Variants in ALDH1L1 observed in about 807,000 individuals in gnomAD.
ALDH1L1 encodes the protein aldehyde dehydrogenase 1 family member L1, also known as cytosolic 10-formyltetrahydrofolate dehydrogenase.
A neutral mutation model predicts 101.1 loss-of-function variants in ALDH1L1; 68 were observed. The ratio of observed to expected loss-of-function variants is 0.67; its 90% CI spans 0.55 to 0.82. The LOEUF is 0.82. Ranked by LOEUF, ALDH1L1 falls within the 40% of genes least tolerant of loss-of-function variation. ALDH1L1 has a pLI of 0.00. For synonymous variants in ALDH1L1, 486 were observed against 470.8 expected (o/e 1.03, Z -0.42); for missense variants, 1,087 against 1,172.7 (o/e 0.93, Z 1.07).
intron 1 of ALDH1L1, among the ~76,000 whole-genome samples, chr3:126,177,747 A>G (rs1330975433): frequency 2.0e-5 from 3 of 152,226 alleles, no homozygotes; most frequent in Non-Finnish European, 4.4e-5. Context: ...CTCACCAAGT[A>G]TAACAAAATT....
upstream of ALDH1L1, among the ~76,000 whole-genome samples, chr3:126,185,590 G>A (rs567142842): frequency 1.3e-5 from 2 of 152,306 alleles, no homozygotes; most frequent in East Asian, 1.9e-4. Flanking sequence ...TTGGTGCATG[G>A]AGGTGGGGAT....
intron 1 of ALDH1L1, among the ~76,000 whole-genome samples, chr3:126,193,511 G>A (rs144930191): frequency 3.5e-4 from 53 of 152,246 alleles, no homozygotes; most frequent in Middle Eastern, 3.4e-3. Flanking sequence ...ACTTAGGGCC[G>A]TAGCACCACT....
intron 1 of ALDH1L1, among the ~76,000 whole-genome samples, chr3:126,190,957 G>A (rs750476918): frequency 3.9e-5 from 6 of 152,224 alleles, no homozygotes; most frequent in Non-Finnish European, 8.8e-5. Flanking sequence ...TTGGGGAAGA[G>A]TTTCCTTTCC....
chr3:126,103,637 TG>T lies in ALDH1L1; in HGVS notation c.*153del. 1 of 754,430 alleles carries T rather than the reference TG, an allele frequency of 1.3e-6. No homozygotes were observed. Among genetic ancestry groups the T allele is most frequent in the Non-Finnish European group, 2.2e-6 (1 of 461,542 alleles). 46.7% of individuals were successfully genotyped at this position (754,430 alleles called of 1,614,324 possible). On this transcript the variant is annotated 3_prime_UTR_variant, in exon 23 of 23. Transcript: ENST00000393434. Reference sequence around the variant, plus strand: ...CACCCAGCCAAGGGCTGCTTCTGACTGGACAGAGGGCGTCCAAGATGCAGAC... The same window carrying T: ...CACCCAGCCAAGGGCTGCTTCTGACTGACAGAGGGCGTCCAAGATGCAGAC...
rs772997567 is a variant in ALDH1L1, at chr3:126,114,557, C to T, written c.2082G>A (p.Met694Ile). 6.7e-7 allele frequency: 1 copy of T among 1,496,404 alleles called. No homozygotes were observed. Among genetic ancestry groups the T allele is most frequent in the Non-Finnish European group, 8.9e-7 (1 of 1,122,704 alleles). 92.7% of individuals were successfully genotyped at this position (1,496,404 alleles called of 1,614,324 possible). ...TGCCCCCTCCAGGCCCGGCCCTCAC[C>T]ATCTGCACAGCCTTGTTGAGGTCAC... ...ADCDLNKAVQMGMSSVFFNKG... is the reference protein window; with the variant it reads ...ADCDLNKAVQIGMSSVFFNKG... Residue 694 changes from methionine (M) to isoleucine (I), a missense_variant and splice_region_variant, in exon 18 of 23, where the codon ATG becomes ATA. Met to Ile is a conservative substitution (Grantham distance 10). Around this residue, in one of 2 missense-constraint regions of ALDH1L1, gnomAD observed 442 missense variants for 535.7 expected, o/e 0.83. Transcript: ENST00000393434.
chr3:126,170,604 C>T (rs928283713), intron 1 of ALDH1L1, among the ~76,000 whole-genome samples: 5 of 152,018 alleles, frequency 3.3e-5, no homozygotes, highest in African/African-American at 4.8e-5. Flanking sequence ...TGGTGTTGAT[C>T]CTACAGTCAA....
chr3:126,103,643 G>C lies in ALDH1L1; in HGVS notation c.*148C>G, dbSNP rs1945754289. The C allele has an allele frequency of 1.3e-6, 1 of 792,706 alleles. No homozygotes were observed. The highest frequency in any genetic ancestry group is 2.3e-5 in the Admixed American group (1 of 44,432). The allele number at this position is 792,706 out of a possible 1,614,324, so 49.1% of individuals were successfully genotyped here. On this transcript the variant is annotated 3_prime_UTR_variant, in exon 23 of 23. Transcript: ENST00000393434. Reference sequence around the variant, plus strand: ...GCCAAGGGCTGCTTCTGACTGGACAGAGGGCGTCCAAGATGCAGACATGGT... The same window carrying C: ...GCCAAGGGCTGCTTCTGACTGGACACAGGGCGTCCAAGATGCAGACATGGT...
In ALDH1L1 at chr3:126,109,968, C is replaced by T. The variant is rs145136430; in HGVS notation, c.2323G>A (p.Gly775Ser). 28 of 1,614,110 alleles carry T rather than the reference C, an allele frequency of 1.7e-5. No individual in the cohort carries two copies. The highest frequency in any genetic ancestry group is 2.2e-5 in the East Asian group (1 of 44,880). Residue 775 changes from glycine (G) to serine (S), a missense_variant, in exon 20 of 23, where the codon GGC (glycine) becomes AGC (serine). By Grantham distance (56) the Gly-to-Ser change is moderately conservative. This residue lies in a region of ALDH1L1 where 442 missense variants were observed against 535.7 expected (regional missense o/e 0.83). Coordinates refer to ENST00000393434, the MANE Select transcript of ALDH1L1 (RefSeq NM_012190.4). The part of the protein sequence containing the change: ...GVKEGATLVC[G>S]GNQVPRPGFF... The stretch of plus-strand genomic sequence containing the variant: ...CCTGGCCGAGGGACCTGATTCCCGC[C>T]GCAGACCAGTGTGGCCCCTTCCTTC...
chr3:126,179,932 G>A (rs4646697), intron 1 of ALDH1L1: 39,125 of 152,056 alleles, frequency 0.26, 6,144 homozygotes, highest in African/African-American at 0.45. Context: ...CTGGAGCTGG[G>A]ACTCCAGCGC....
At chr3:126,170,298 G>A (rs1392850344) in intron 1 of ALDH1L1, among the ~76,000 whole-genome samples, 1 of 151,878 alleles carries the variant, frequency 6.6e-6, no homozygotes, top group African/African-American at 2.4e-5. Flanking sequence ...CCTCAGAGTG[G>A]AATATCTGAC....
intron 1 of ALDH1L1, among the ~76,000 whole-genome samples, chr3:126,166,764 G>A (rs537790276): frequency 6.6e-6 from 1 of 151,728 alleles, no homozygotes; most frequent in Admixed American, 6.6e-5. Flanking sequence ...GCCCTTCACA[G>A]TGAAAAAAAA....
At chr3:126,141,708 C>T (rs565461056) in intron 9 of ALDH1L1, among the ~76,000 whole-genome samples, 86 of 151,876 alleles carry the variant, frequency 5.7e-4, no homozygotes, top group Admixed American at 1.3e-3. Flanking sequence ...GAAAGTAGTG[C>T]TAAGAAAGAA....
chr3:126,196,449 G>C (rs1442347980), intron 1 of ALDH1L1, among the ~76,000 whole-genome samples: 1 of 145,716 alleles, frequency 6.9e-6, no homozygotes, highest in Non-Finnish European at 1.5e-5. Flanking sequence ...GCCCAAGGCT[G>C]TTAGAGCTTG....
intron 7 of ALDH1L1, 37 bp downstream of exon 7, chr3:126,153,407 C>T (rs2080844026): frequency 6.2e-7 from 1 of 1,610,446 alleles, no homozygotes; most frequent in Non-Finnish European, 8.5e-7. Flanking sequence ...GCATGGGTGG[C>T]TTTGAGCAGG....
In ALDH1L1 at chr3:126,146,850, G is replaced by A. The variant is rs1282541702; in HGVS notation, c.1061C>T (p.Ser354Phe). 2 of 1,614,076 alleles carry A rather than the reference G, an allele frequency of 1.2e-6. No homozygotes were observed. The highest frequency in any genetic ancestry group is 1.7e-6 in the Non-Finnish European group (2 of 1,179,958). The change falls in exon 9 of 23, where the codon TCT becomes TTT. Residue 354 changes from serine (S) to phenylalanine (F), a missense_variant. Physicochemically the swap from Ser to Phe is radical, Grantham distance 155 (BLOSUM62 -2). Around this residue, in one of 2 missense-constraint regions of ALDH1L1, gnomAD observed 645 missense variants for 637.0 expected, o/e 1.01. Transcript: ENST00000393434. ...CTGGCCTTACCTCACAACGTCCACA[G>A]ACGCGGCCCCTGACTTGAAGAAATC... Reference protein sequence around the residue: ...STDFFKSGAASVDVVRLVEEV... With the variant: ...STDFFKSGAAFVDVVRLVEEV...
chr3:126,122,084 A>G (rs1013637461), intron 16 of ALDH1L1, among the ~76,000 whole-genome samples: 5 of 152,216 alleles, frequency 3.3e-5, no homozygotes, highest in Non-Finnish European at 7.3e-5. Flanking sequence ...TCTTACATCT[A>G]GCAATACTGT....
At chr3:126,184,487 A>G (rs1334481017), upstream of ALDH1L1, among the ~76,000 whole-genome samples, 1 of 152,240 alleles carries the variant, frequency 6.6e-6, no homozygotes, top group Non-Finnish European at 1.5e-5. Flanking sequence ...ACAGCCCTGC[A>G]CAGGCCCTGA....
intron 1 of ALDH1L1, among the ~76,000 whole-genome samples, chr3:126,190,342 AATTTTAG>A (rs1314978591): frequency 6.6e-6 from 1 of 152,190 alleles, no homozygotes; most frequent in East Asian, 1.9e-4. Context: ...CTCTTTTAGC[AATTTTAG>A]AACAATCACC....
chr3:126,186,517 CCCTGAG>C (rs796674259), upstream of ALDH1L1, among the ~76,000 whole-genome samples: 10 of 136,102 alleles, frequency 7.3e-5, no homozygotes, highest in East Asian at 2.1e-4. Context: ...CTGACCCTGA[CCCTGAG>C]CCTGAGGGCT....
Sources: allele counts gnomAD v4.1 joint callset (sites outside exome capture counted in the v4.1 genomes callset), GRCh38; gene constraint gnomAD v4.1.1; regional missense constraint gnomAD v4.1.1; transcripts MANE v1.5; gene names NCBI Gene and HGNC (gene_info 2026-07-23, HGNC 2026-07-21).